The following KIAA1217 variants were observed in gnomAD, a reference collection of about 807,000 sequenced individuals.
KIAA1217 encodes the protein sickle tail protein homolog.
KIAA1217 carries 88 observed loss-of-function variants against 163.9 expected under a neutral mutation model. The observed-to-expected ratio is 0.54, with a 90% CI of 0.45 to 0.64. KIAA1217 has a LOEUF of 0.64. Ranked by LOEUF, KIAA1217 falls within the 30% of genes least tolerant of loss-of-function variation. KIAA1217 has a pLI of 0.00. For synonymous variants in KIAA1217, 903 were observed against 923.1 expected (o/e 0.98, Z 0.39); for missense variants, 2,372 against 2,475.0 (o/e 0.96, Z 0.88).
At chr10:24,302,843 A>T (rs901611936) in intron 2 of KIAA1217, among the ~76,000 whole-genome samples, 2 of 152,088 alleles carry the variant, frequency 1.3e-5, no homozygotes, top group African/African-American at 2.4e-5. Context: ...GGCAGAGGAA[A>T]CAACACAAGT....
At chr10:24,481,866 G>C (rs530002689) in intron 6 of KIAA1217, 2 of 152,264 alleles carry the variant, frequency 1.3e-5, no homozygotes, top group East Asian at 1.9e-4. Flanking sequence ...GTAATGAAAA[G>C]ATGTCATTTG....
At chr10:24,501,580 G>T (rs748304892) in intron 9 of KIAA1217, 35 bp downstream of exon 9, 17 of 1,592,078 alleles carry the variant, frequency 1.1e-5, no homozygotes, top group Middle Eastern at 2.1e-4. Context: ...TGTCTCGGTT[G>T]CCCTGAGCTC....
chr10:24,268,454 A>G (rs1327323443), intron 2 of KIAA1217, among the ~76,000 whole-genome samples: 492 of 137,538 alleles, frequency 3.6e-3, no homozygotes, highest in South Asian at 7.4e-3. Flanking sequence ...AAACACATGA[A>G]AAAATGCTCA....
At chr10:23,919,216 G>A (rs1279885342) in intron 1 of KIAA1217, among the ~76,000 whole-genome samples, 1 of 151,954 alleles carries the variant, frequency 6.6e-6, no homozygotes, top group Non-Finnish European at 1.5e-5. Context: ...TGTTAGGTGT[G>A]CATGTTTGAA....
At chr10:23,796,331 G>A (rs940243774) in intron 1 of KIAA1217, among the ~76,000 whole-genome samples, 4 of 149,700 alleles carry the variant, frequency 2.7e-5, no homozygotes, top group Admixed American at 6.7e-5. Flanking sequence ...TTGCCTTCCC[G>A]AGAGACTGCT....
At chr10:24,432,211 A>G (rs1465841636) in intron 3 of KIAA1217, among the ~76,000 whole-genome samples, 1 of 146,584 alleles carries the variant, frequency 6.8e-6, no homozygotes, top group East Asian at 2.0e-4. Flanking sequence ...GCAACCTCCC[A>G]GGTTCAAGCA....
At chr10:24,352,936 T>A (rs779592878) in intron 2 of KIAA1217, among the ~76,000 whole-genome samples, 2 of 152,002 alleles carry the variant, frequency 1.3e-5, no homozygotes, top group Non-Finnish European at 2.9e-5. Flanking sequence ...GGGGGTGGTG[T>A]CAGGTCAGTT....
chr10:23,889,577 T>C (rs1180668150), intron 1 of KIAA1217, among the ~76,000 whole-genome samples: 1 of 151,960 alleles, frequency 6.6e-6, no homozygotes, highest in African/African-American at 2.4e-5. Context: ...TTATCCCTGC[T>C]TGCTTAGAGA....
In KIAA1217 at chr10:23,755,808, C is replaced by G. The variant is rs76945197; in HGVS notation, c.-321+60574C>G. 4.5e-3 allele frequency among the ~76,000 whole-genome samples: 690 copies of G among 152,218 alleles called. 2 individuals are homozygous for G. The highest frequency in any genetic ancestry group is 0.016 in the African/African-American group (662 of 41,524). ...GTTAACCTCAAGTAAGCATCTATGC[C>G]TCATGTTCAGGATTGTGAACCAGTA... On this transcript the variant is annotated intron_variant, in intron 1 of 18. Coordinates refer to the KIAA1217 transcript ENST00000376462.
intron 1 of KIAA1217, among the ~76,000 whole-genome samples, chr10:23,909,446 A>G (rs112702569): frequency 0.015 from 2,294 of 152,264 alleles, 58 homozygotes; most frequent in African/African-American, 0.052. Flanking sequence ...GAAATTACTC[A>G]TATTCCAAGC....
At position 24,186,696 on chromosome 10, in the gene KIAA1217, G is replaced by A. The variant is rs542014554; in HGVS notation, c.-170-32930G>A. ...ACCTGAGGTCAGGAGTTGAAGACCA[G>A]CCTGGCCAACATGGTGAAATCCCTT... On this transcript the variant is annotated intron_variant, in intron 2 of 18. Transcript: ENST00000376462. 5.9e-5 allele frequency among the ~76,000 whole-genome samples: 9 copies of A among 152,162 alleles called. No homozygotes were observed. The South Asian group carries it at 1.9e-3, about 32-fold the overall frequency.
chr10:24,347,908 A>G (rs1427688482), intron 2 of KIAA1217, among the ~76,000 whole-genome samples: 2 of 152,230 alleles, frequency 1.3e-5, no homozygotes, highest in Non-Finnish European at 2.9e-5. Context: ...ATCACCACAC[A>G]TGGTTACCAT....
At chr10:24,143,046 C>T (rs116203926) in intron 2 of KIAA1217, among the ~76,000 whole-genome samples, 1 of 152,096 alleles carries the variant, frequency 6.6e-6, no homozygotes, top group Non-Finnish European at 1.5e-5. Flanking sequence ...GGTTGTCTCA[C>T]GTAGATTCTT....
At chr10:23,887,782 C>T (rs926393381) in intron 1 of KIAA1217, among the ~76,000 whole-genome samples, 1 of 151,830 alleles carries the variant, frequency 6.6e-6, no homozygotes, top group Non-Finnish European at 1.5e-5. Context: ...TGCAGTGGCA[C>T]AATCTCAGCT....
At chr10:24,052,873 G>C (rs1030365008) in intron 2 of KIAA1217, among the ~76,000 whole-genome samples, 1 of 152,034 alleles carries the variant, frequency 6.6e-6, no homozygotes, top group Non-Finnish European at 1.5e-5. Context: ...CTATCAATCT[G>C]CCTATTAGAT....
chr10:24,402,642 A>G (rs1301592089), intron 3 of KIAA1217, among the ~76,000 whole-genome samples: 2 of 152,312 alleles, frequency 1.3e-5, no homozygotes, highest in East Asian at 1.9e-4. Context: ...AGCTACAACA[A>G]TCAGGACTTT....
chr10:23,963,745 G>C, intron 1 of KIAA1217, among the ~76,000 whole-genome samples: 2 of 152,200 alleles, frequency 1.3e-5, no homozygotes, highest in Admixed American at 1.3e-4. Context: ...GTGTAAAAGC[G>C]TTCCTATTTC....
rs561653835 is a variant in KIAA1217, at chr10:24,224,587, T to C, written c.354+4678T>C. Among the ~76,000 whole-genome samples, 409 of 152,244 alleles carry C rather than the reference T, an allele frequency of 2.7e-3. 2 individuals are homozygous for C. The highest frequency in any genetic ancestry group is 9.4e-3 in the African/African-American group (391 of 41,548). ...TGCGTGCCTCAGCCTCCCAAAGTGT[T>C]GGGATTACAGGTGTGAGCCACTGCA... On this transcript the variant is annotated intron_variant, in intron 2 of 20. Coordinates refer to ENST00000376454, the MANE Select transcript of KIAA1217 (RefSeq NM_019590.5).
chr10:24,026,489 G>A (rs566307454), intron 2 of KIAA1217, among the ~76,000 whole-genome samples: 39 of 151,824 alleles, frequency 2.6e-4, no homozygotes, highest in African/African-American at 8.7e-4. Context: ...ATGAATTCCT[G>A]TAGCTTCTAT....
Sources: allele counts gnomAD v4.1 joint callset (sites outside exome capture counted in the v4.1 genomes callset), GRCh38; gene constraint gnomAD v4.1.1; transcripts MANE v1.5; gene names NCBI Gene and HGNC (gene_info 2026-07-23, HGNC 2026-07-21).